The following CD74 variants were observed in gnomAD, a reference collection of about 807,000 sequenced individuals.
CD74 encodes CD74 molecule.
A neutral mutation model predicts 37.1 loss-of-function variants in CD74; 20 were observed. That is an observed-to-expected ratio of 0.54 (90% confidence interval 0.38 to 0.78). The LOEUF is 0.78. Among genes scored for constraint, CD74 ranks in the 30% least tolerant of loss-of-function variants. CD74 has a pLI of 0.00. For missense variants in CD74, 338 were observed against 389.5 expected (o/e 0.87, Z 1.11); for synonymous variants, 150 against 152.0 (o/e 0.99, Z 0.10).
rs1217511982 is a variant in CD74, at chr5:150,406,809, C to G, written c.378+72G>C. 3.7e-6 allele frequency: 4 copies of G among 1,068,652 alleles called. No homozygotes were observed. The Admixed American group carries it at 1.2e-4, about 33-fold the overall frequency. 66.2% of individuals were successfully genotyped at this position (1,068,652 alleles called of 1,614,324 possible). A position where few individuals can be genotyped will look rare whatever the true frequency, so the allele number is the denominator to read the frequency against. On this transcript the variant is annotated intron_variant, in intron 3 of 8. Coordinates refer to ENST00000009530, the MANE Select transcript of CD74 (RefSeq NM_001025159.3). ...CCCCAGGTGGGCTCTCTTCCCTGCC[C>G]CTCCCCTTGGCACTGTCCTCCATCC...
rs772500133 is a variant in CD74 at position 150,407,141 on chromosome 5, G to A, written c.298+11C>T. 5.0e-6 allele frequency: 8 copies of A among 1,612,398 alleles called. No homozygotes were observed. The highest frequency in any genetic ancestry group is 6.8e-6 in the Non-Finnish European group (8 of 1,178,856). ...GAGGTGGGGGGTATCAGGATGTAGG[G>A]GTGCACGCACGCTTGGGAAGCTTCA... On this transcript the variant is annotated intron_variant, in intron 2 of 8. Transcript: ENST00000009530. This position sits in a 1 kb window ranked among gnomAD's most constrained non-coding sequence, Gnocchi z 4.4.
At chr5:150,412,118 C>T (rs745613078) in intron 1 of CD74, among the ~76,000 whole-genome samples, 2 of 152,212 alleles carry the variant, frequency 1.3e-5, no homozygotes, top group Non-Finnish European at 2.9e-5. Context: ...GTGTACACCA[C>T]CACATCTGGC....
chr5:150,412,107 G>A (rs1770373760), intron 1 of CD74, among the ~76,000 whole-genome samples: 1 of 152,206 alleles, frequency 6.6e-6, no homozygotes, highest in African/African-American at 2.4e-5. Flanking sequence ...TGGGATTACA[G>A]GTGTACACCA....
Position 150,409,068 on chromosome 5 carries a change from A to C in CD74, c.126-1744T>G, listed in dbSNP as rs570751512. Reference sequence around the variant, plus strand: ...AACCCCGTCTCTACAAAAAAATACAAAAAACTTAGCCAGGCATGGTGGCGT... The same window carrying C: ...AACCCCGTCTCTACAAAAAAATACACAAAACTTAGCCAGGCATGGTGGCGT... On this transcript the variant is annotated intron_variant, in intron 1 of 8. Coordinates refer to ENST00000009530, the MANE Select transcript of CD74 (RefSeq NM_001025159.3). Among the ~76,000 whole-genome samples, 4 of 152,164 alleles carry C rather than the reference A, an allele frequency of 2.6e-5. No homozygotes were observed. In the East Asian group the frequency reaches 5.8e-4, roughly 22 times the overall value.
At chr5:150,405,522 T>A in intron 4 of CD74, 1 of 757,454 alleles carries the variant, frequency 1.3e-6, no homozygotes, top group Non-Finnish European at 1.7e-6. Context: ...CCCAGCTAGG[T>A]TGAGTCCTCT....
chr5:150,401,891 T>A lies in CD74; in HGVS notation c.*349A>T. The A allele has an allele frequency of 2.7e-6, 2 of 737,394 alleles. No individual in the cohort carries two copies. Among genetic ancestry groups the A allele is most frequent in the Non-Finnish European group, 4.8e-6 (2 of 417,376 alleles). 45.7% of individuals were successfully genotyped at this position (737,394 alleles called of 1,614,324 possible). A position where few individuals can be genotyped will look rare whatever the true frequency, so the allele number is the denominator to read the frequency against. On this transcript the variant is annotated 3_prime_UTR_variant, in exon 9 of 9. Transcript: ENST00000009530. ...TCCAGCCTGGGGTCTGGGTGTAGGG[T>A]TATCCCTTCTCCCTGTGCCTTCCCA...
chr5:150,408,711 C>A (rs1770145845), intron 1 of CD74, among the ~76,000 whole-genome samples: 1 of 152,158 alleles, frequency 6.6e-6, no homozygotes, highest in South Asian at 2.1e-4. Flanking sequence ...TGCCCCTACA[C>A]CCCAGGAGTT....
rs766701141 is a variant in CD74, at chr5:150,406,860, C to T, written c.378+21G>A. 89 of 1,455,600 alleles carry T rather than the reference C, an allele frequency of 6.1e-5. 1 individual carries two copies. Among genetic ancestry groups the T allele is most frequent in the Non-Finnish European group, 4.6e-5 (51 of 1,098,074 alleles). The allele number at this position is 1,455,600 out of a possible 1,614,324, so 90.2% of individuals were successfully genotyped here. The stretch of plus-strand genomic sequence containing the variant: ...AGGCGGGATAACCTTGCCCCTCCCA[C>T]CACCCTGGGGCTGTCCTTACCCCCT... On this transcript the variant is annotated intron_variant, in intron 3 of 8. Coordinates refer to ENST00000009530, the MANE Select transcript of CD74 (RefSeq NM_001025159.3).
At chr5:150,412,553 G>A (rs1770406860) in intron 1 of CD74, 72 bp downstream of exon 1, 1 of 1,155,114 alleles carries the variant, frequency 8.7e-7, no homozygotes, top group Non-Finnish European at 1.3e-6. Context: ...CCTGGCCGGT[G>A]CTTCTTCCCA....
At position 150,401,711 on chromosome 5, in the gene CD74, G is replaced by C; in HGVS notation, c.*529C>G. On this transcript the variant is annotated 3_prime_UTR_variant, in exon 9 of 9. Transcript: ENST00000009530. ...TGATAACAAGCTTGGCTGAGCAGAG[G>C]GAACTAGGGGTCGGCAGAAAGGATT... 1.8e-6 allele frequency: 1 copy of C among 569,102 alleles called. No individual in the cohort carries two copies. The highest frequency in any genetic ancestry group is 3.1e-6 in the Non-Finnish European group (1 of 319,314). 35.3% of individuals were successfully genotyped at this position (569,102 alleles called of 1,614,324 possible). A position where few individuals can be genotyped will look rare whatever the true frequency, so the allele number is the denominator to read the frequency against.
Position 150,405,195 on chromosome 5 carries a change from G to A in CD74, c.442-15C>T, listed in dbSNP as rs1354413918. The A allele has an allele frequency of 5.7e-6, 9 of 1,569,058 alleles. No individual in the cohort carries two copies. Among genetic ancestry groups the A allele is most frequent in the Non-Finnish European group, 7.8e-6 (9 of 1,159,684 alleles). On this transcript the variant is annotated splice_polypyrimidine_tract_variant and intron_variant, in intron 4 of 8. Transcript: ENST00000009530. ...GGGTCAGCATTCTACAGGGTAGCAG[G>A]GCAGGAAGGATGGTTCAAGAAGAGC... is the stretch of plus-strand genomic sequence containing the variant.
At chr5:150,406,697 G>C in intron 3 of CD74, 184 bp downstream of exon 3, 2 of 591,988 alleles carry the variant, frequency 3.4e-6, no homozygotes, top group South Asian at 2.2e-5. Context: ...ATGGCACCAA[G>C]AGACTCTTCA....
chr5:150,412,212 G>T (rs1175132974), intron 1 of CD74, among the ~76,000 whole-genome samples: 1 of 152,196 alleles, frequency 6.6e-6, no homozygotes, highest in Non-Finnish European at 1.5e-5. Flanking sequence ...TGATCTGCCC[G>T]CCTCAGCCTC....
rs201173431 is a variant in CD74, at chr5:150,412,789, G to A, written c.-40C>T. 1 of 1,612,162 alleles carries A rather than the reference G, an allele frequency of 6.2e-7. No individual in the cohort carries two copies. The highest frequency in any genetic ancestry group is 1.3e-5 in the African/African-American group (1 of 75,052). On this transcript the variant is annotated 5_prime_UTR_variant, in exon 1 of 9. Coordinates refer to ENST00000009530, the MANE Select transcript of CD74 (RefSeq NM_001025159.3). The stretch of plus-strand genomic sequence containing the variant: ...CCCCGGCTCGCCTCTTAAAGTCGGT[G>A]CTGGAGAGGAATCTGATTCGTCCAC...
In CD74 at chr5:150,403,029, C is replaced by T. The variant is rs995969659; in HGVS notation, c.817+92G>A. ...CCCCAGGAGCTGCCATCCTGGGTGTCCTGGTCCCATGTGCTTCAGAGGGGA... is the reference window on the plus strand; with the variant it reads ...CCCCAGGAGCTGCCATCCTGGGTGTTCTGGTCCCATGTGCTTCAGAGGGGA... On this transcript the variant is annotated intron_variant, in intron 7 of 8. Transcript: ENST00000009530. The surrounding 1 kb of genome is among the most constrained non-coding windows in gnomAD (Gnocchi z 4.5). The T allele has an allele frequency of 3.2e-5, 36 of 1,121,942 alleles. No homozygotes were observed. Among genetic ancestry groups the T allele is most frequent in the Admixed American group, 2.9e-4 (14 of 47,536 alleles). 69.5% of individuals were successfully genotyped at this position (1,121,942 alleles called of 1,614,324 possible).
intron 3 of CD74, 38 bp from the exon 4 acceptor site, chr5:150,406,359 C>T: frequency 1.9e-6 from 3 of 1,560,940 alleles, no homozygotes; most frequent in Non-Finnish European, 2.6e-6. Flanking sequence ...CAGAGCTGGT[C>T]CCTGGAGCAG....
rs763926029 is a variant in CD74, at chr5:150,407,331, G to T, written c.126-7C>A. The T allele has an allele frequency of 6.2e-7, 1 of 1,601,782 alleles. No individual in the cohort carries two copies. Among genetic ancestry groups the T allele is most frequent in the Non-Finnish European group, 8.5e-7 (1 of 1,174,982 alleles). On this transcript the variant is annotated splice_region_variant and splice_polypyrimidine_tract_variant and intron_variant, in intron 1 of 8. Coordinates refer to ENST00000009530, the MANE Select transcript of CD74 (RefSeq NM_001025159.3). The surrounding 1 kb of genome is among the most constrained non-coding windows in gnomAD (Gnocchi z 4.4). ...GGCTCCGCGGCTGCACTTGCTGTGGGAGGTGGGGAGGATAGGTCAGAGGAG... is the reference window on the plus strand; with the variant it reads ...GGCTCCGCGGCTGCACTTGCTGTGGTAGGTGGGGAGGATAGGTCAGAGGAG...
intron 3 of CD74, chr5:150,406,635 G>C (rs1191531181): frequency 3.4e-6 from 2 of 587,770 alleles, no homozygotes; most frequent in Non-Finnish European, 6.1e-6. Context: ...AGATGCTATA[G>C]GAAATGAGAA....
intron 1 of CD74, among the ~76,000 whole-genome samples, chr5:150,412,162 A>T (rs1038470881): frequency 1.3e-5 from 2 of 152,176 alleles, no homozygotes; most frequent in African/African-American, 4.8e-5. Context: ...ATGGGGTTTC[A>T]ACATGTTGGC....
Sources: allele counts gnomAD v4.1 joint callset (sites outside exome capture counted in the v4.1 genomes callset), GRCh38; gene constraint gnomAD v4.1.1; non-coding constraint Gnocchi (gnomAD v3.1); transcripts MANE v1.5; gene names NCBI Gene and HGNC (gene_info 2026-07-23, HGNC 2026-07-21).